The following RPAP1 variants were observed in gnomAD, a reference collection of about 807,000 sequenced individuals.
RPAP1 encodes RNA polymerase II associated protein 1, also known as RNA polymerase II-associated protein 1.
In RPAP1, 109 loss-of-function variants were observed where a neutral mutation model predicts 142.4. That is an observed-to-expected ratio of 0.77 (90% CI 0.66 to 0.90). The LOEUF is 0.90. RPAP1 is among the 40% of genes least tolerant of loss of function. RPAP1 has a pLI of 0.00. For synonymous variants in RPAP1, 704 were observed against 738.9 expected (o/e 0.95, Z 0.77); for missense variants, 1,546 against 1,751.7 (o/e 0.88, Z 2.10).
intron 1 of RPAP1, among the ~76,000 whole-genome samples, chr15:41,539,663 C>G (rs1595490295): frequency 6.6e-6 from 1 of 152,080 alleles, no homozygotes; most frequent in East Asian, 1.9e-4. Context: ...CTCCTGGGCT[C>G]AAGAAATCTG....
At chr15:41,523,720 G>C (rs928098483) in intron 17 of RPAP1, 51 bp downstream of exon 17, 1 of 1,487,820 alleles carries the variant, frequency 6.7e-7, no homozygotes, top group South Asian at 1.2e-5. Context: ...GTGGAATGTA[G>C]CTGAAGGCAG....
At position 41,520,696 on chromosome 15, in the gene RPAP1, G is replaced by C. The variant is rs778704843; in HGVS notation, c.3490C>G (p.Leu1164Val). 1 of 1,614,120 alleles carries C rather than the reference G, an allele frequency of 6.2e-7. No individual in the cohort carries two copies. Among genetic ancestry groups the C allele is most frequent in the Non-Finnish European group, 8.5e-7 (1 of 1,180,038 alleles). Residue 1164 changes from leucine (L) to valine (V), a missense_variant, in exon 22 of 25, where the codon CTG becomes GTG. Coordinates refer to ENST00000304330, the MANE Select transcript of RPAP1 (RefSeq NM_015540.4). ...ARLARLMCVF[L>V]VDSELFRESP... is the part of the protein sequence containing the mutation. ...TCCCGGAACAGCTCACTGTCCACCA[G>C]GAACACACACATGAGCCGTGCCAGG...
At chr15:41,517,766 A>G (rs1235316487) in intron 24 of RPAP1, 32 bp downstream of exon 24, 3 of 1,614,084 alleles carry the variant, frequency 1.9e-6, no homozygotes, top group Non-Finnish European at 2.5e-6. Context: ...AGATCCTCTA[A>G]TATCCCACCC....
Position 41,521,055 on chromosome 15 carries a change from A to G in RPAP1, c.3131T>C (p.Leu1044Pro). 1 of 1,582,618 alleles carries G rather than the reference A, an allele frequency of 6.3e-7. No individual in the cohort carries two copies. The highest frequency in any genetic ancestry group is 1.3e-5 in the African/African-American group (1 of 74,490). ...SRVPRCGQGT[L>P]LAQACQDLPS... The stretch of plus-strand genomic sequence containing the variant: ...GAGGTCCTGGCAGGCCTGAGCCAGC[A>G]GAGTCCCTTGCCCACACCGAGGGAC... The change falls in exon 22 of 25, where the codon CTG (leucine) becomes CCG (proline). Residue 1044 changes from leucine (L) to proline (P), a missense_variant. Transcript: ENST00000304330.
Position 41,523,283 on chromosome 15 carries a change from CA to C in RPAP1, c.2507del (p.Leu836ArgfsTer152). 6.2e-7 allele frequency: 1 copy of C among 1,612,364 alleles called. No individual in the cohort carries two copies. The highest frequency in any genetic ancestry group is 2.2e-5 in the East Asian group (1 of 44,844). On this transcript the variant is annotated frameshift_variant, in exon 18 of 25. Transcript: ENST00000304330. LOFTEE classifies it high-confidence loss of function. ...ACAGGCTGCCCAGTGTGGGCTGACT[CA>C]GCAGTGGCAGCAGCAGCTCCTCTGA... ...RLSEELLLPL[L>X]SQPTLGSLWD... is the part of the protein sequence containing the mutation.
chr15:41,520,206 T>A (rs2051709567), intron 22 of RPAP1, 185 bp downstream of exon 22: 1 of 660,630 alleles, frequency 1.5e-6, no homozygotes, highest in African/African-American at 1.8e-5. Context: ...AGTGATGGAA[T>A]TACAGGCGTG....
intron 22 of RPAP1, among the ~76,000 whole-genome samples, chr15:41,518,921 G>A (rs187539616): frequency 1.2e-4 from 18 of 152,220 alleles, no homozygotes; most frequent in Admixed American, 5.9e-4. Context: ...ATAGAGTCTC[G>A]TTCTATTTCC....
chr15:41,530,919 CA>C, intron 7 of RPAP1, 103 bp downstream of exon 7: 1 of 1,180,274 alleles, frequency 8.5e-7, no homozygotes, highest in South Asian at 1.5e-5. Context: ...GTTAGATGTC[CA>C]AAAGCACAGA....
intron 5 of RPAP1, 130 bp downstream of exon 5, chr15:41,535,379 CTAG>C (rs2051895985): frequency 2.3e-6 from 3 of 1,290,036 alleles, no homozygotes; most frequent in Non-Finnish European, 3.2e-6. Context: ...CCTCCCATAC[CTAG>C]TATTCTCAGA....
In RPAP1 at chr15:41,536,222, T is replaced by C; in HGVS notation, c.331-4A>G. ...CCACTGAACTTGTATCTCGTTCCTG[T>C]AGCAACAAAGCACAAAGTTGTGAAG... On this transcript the variant is annotated splice_polypyrimidine_tract_variant and splice_region_variant and intron_variant, in intron 3 of 24. Coordinates refer to ENST00000304330, the MANE Select transcript of RPAP1 (RefSeq NM_015540.4). The C allele has an allele frequency of 3.7e-6, 6 of 1,613,610 alleles. No homozygotes were observed. The highest frequency in any genetic ancestry group is 3.4e-6 in the Non-Finnish European group (4 of 1,179,634).
chr15:41,527,524 C>T lies in RPAP1; in HGVS notation c.1510G>A (p.Glu504Lys), dbSNP rs750527868. The T allele has an allele frequency of 1.9e-6, 3 of 1,613,772 alleles. No homozygotes were observed. The highest frequency in any genetic ancestry group is 2.2e-5 in the East Asian group (1 of 44,888). The change falls in exon 12 of 25, where the codon GAG becomes AAG. Residue 504 changes from glutamate to lysine, a missense_variant. Around this residue, in one of 3 missense-constraint regions of RPAP1, gnomAD observed 1,333 missense variants for 1,486.6 expected, o/e 0.90. Transcript: ENST00000304330. Reference sequence around the variant, plus strand: ...GCTGGGCATTCTTCATCCTCGTCCTCATCCTCCTTGTCCTCCTGGCTGGGC... The same window carrying T: ...GCTGGGCATTCTTCATCCTCGTCCTTATCCTCCTTGTCCTCCTGGCTGGGC... ...LMPSQEDKED[E>K]DEDEECPAGK...
Position 41,526,276 on chromosome 15 carries a change from C to T in RPAP1, c.1917+622G>A, listed in dbSNP as rs138562352. On this transcript the variant is annotated intron_variant, in intron 14 of 24. Coordinates refer to ENST00000304330, the MANE Select transcript of RPAP1 (RefSeq NM_015540.4). The stretch of plus-strand genomic sequence containing the variant: ...TAGTAGTATTTTTGAGACGGGGTCT[C>T]GCCCTGTTGCCTAGGCTGTAGTGCA... 5.7e-3 allele frequency among the ~76,000 whole-genome samples: 865 copies of T among 152,256 alleles called. 1 individual carries two copies. Among genetic ancestry groups the T allele is most frequent in the Middle Eastern group, 0.01 (3 of 292 alleles).
intron 7 of RPAP1, among the ~76,000 whole-genome samples, chr15:41,530,566 T>C (rs1166684065): frequency 6.6e-6 from 1 of 152,224 alleles, no homozygotes; most frequent in East Asian, 1.9e-4. Context: ...GGGAAATGAG[T>C]GCTTCCACTG....
chr15:41,522,157 A>T lies in RPAP1; in HGVS notation c.2836T>A (p.Trp946Arg). The T allele has an allele frequency of 1.2e-6, 2 of 1,614,030 alleles. No homozygotes were observed. ...AAPHLTPFSA[W>R]ALRHEYHLQY... ...AGGTGGTACTCATGGCGCAGGGCCC[A>T]TGCAGAGAAAGGTGTGAGGTGTGGG... Residue 946 changes from tryptophan to arginine, a missense_variant, in exon 20 of 25, where the codon TGG becomes AGG. Trp to Arg is a moderately radical substitution (Grantham distance 101, BLOSUM62 -3). Coordinates refer to ENST00000304330, the MANE Select transcript of RPAP1 (RefSeq NM_015540.4).
chr15:41,522,127 A>G lies in RPAP1; in HGVS notation c.2866T>C (p.Tyr956His). Residue 956 changes from tyrosine (Y) to histidine (H), a missense_variant, in exon 20 of 25, where the codon TAC (tyrosine) becomes CAC (histidine). Tyr to His is a moderately conservative substitution (Grantham distance 83). Transcript: ENST00000304330. The part of the protein sequence containing the change: ...WALRHEYHLQ[Y>H]LALALAQKAA... Reference sequence around the variant, plus strand: ...TTCTGGGCCAGAGCGAGTGCCAGGTACTGCAGGTGGTACTCATGGCGCAGG... The same window carrying G: ...TTCTGGGCCAGAGCGAGTGCCAGGTGCTGCAGGTGGTACTCATGGCGCAGG... 2.5e-6 allele frequency: 4 copies of G among 1,613,828 alleles called. No homozygotes were observed. Among genetic ancestry groups the G allele is most frequent in the Non-Finnish European group, 3.4e-6 (4 of 1,180,000 alleles).
At chr15:41,532,722 A>T (rs1398118683) in intron 6 of RPAP1, among the ~76,000 whole-genome samples, 1 of 152,144 alleles carries the variant, frequency 6.6e-6, no homozygotes, top group Non-Finnish European at 1.5e-5. Flanking sequence ...TCAAAAAAAA[A>T]ATCGCAGCAC....
At chr15:41,543,146 C>T (rs1397062277) in intron 1 of RPAP1, among the ~76,000 whole-genome samples, 2 of 151,608 alleles carry the variant, frequency 1.3e-5, no homozygotes, top group African/African-American at 2.4e-5. Flanking sequence ...ATACCAGTTC[C>T]GCTACTTACT....
At chr15:41,530,081 G>T (rs2140774552) in intron 7 of RPAP1, 102 bp from the exon 8 acceptor site, 1 of 836,962 alleles carries the variant, frequency 1.2e-6, no homozygotes, top group Non-Finnish European at 2.0e-6. Context: ...TTCTGTTCCA[G>T]GATCTGCCAG....
At chr15:41,534,135 A>G (rs1424853497) in intron 6 of RPAP1, among the ~76,000 whole-genome samples, 1 of 150,298 alleles carries the variant, frequency 6.7e-6, no homozygotes, top group Non-Finnish European at 1.5e-5. Context: ...AAAAAAAAAA[A>G]GGCCGGGCAT....
Sources: allele counts gnomAD v4.1 joint callset (sites outside exome capture counted in the v4.1 genomes callset), GRCh38; gene constraint gnomAD v4.1.1; regional missense constraint gnomAD v4.1.1; transcripts MANE v1.5; gene names NCBI Gene and HGNC (gene_info 2026-07-23, HGNC 2026-07-21).